The following NFIB variants were observed in gnomAD, a reference collection of about 807,000 sequenced individuals.
NFIB encodes nuclear factor I B, also known as nuclear factor 1 B-type.
A neutral mutation model predicts 61.5 loss-of-function variants in NFIB; 11 were observed. The ratio of observed to expected loss-of-function variants is 0.18; its 90% CI spans 0.11 to 0.30. The LOEUF (loss-of-function observed/expected upper bound fraction) is 0.30. Ranked by LOEUF, NFIB falls within the 10% of genes least tolerant of loss-of-function variation. The probability of loss-of-function intolerance (pLI) is 1.00; values close to 1 mark genes in which losing one functional copy is unlikely to be tolerated. For missense variants in NFIB, 471 were observed against 608.9 expected (o/e 0.77, Z 2.38); for synonymous variants, 260 against 216.5 (o/e 1.20, Z -1.76).
the NFIB span, among the ~76,000 whole-genome samples, chr9:14,449,782 A>T: frequency 3.3e-5 from 5 of 151,946 alleles, no homozygotes; most frequent in African/African-American, 1.2e-4. Context: ...ATACAAAAAA[A>T]AATTAGCCAG....
At chr9:14,413,269 C>A in the NFIB span, among the ~76,000 whole-genome samples, 1 of 152,278 alleles carries the variant, frequency 6.6e-6, no homozygotes, top group Non-Finnish European at 1.5e-5. Flanking sequence ...TTTTGGGGAA[C>A]AGTATCAGGC....
At chr9:14,142,444 T>G (rs565659439) in intron 6 of NFIB, among the ~76,000 whole-genome samples, 1 of 152,272 alleles carries the variant, frequency 6.6e-6, no homozygotes, top group Admixed American at 6.5e-5. Flanking sequence ...AAGTAGGTCT[T>G]TATCAGCAGC....
At chr9:14,217,660 CAAAAAA>C (rs34055171) in intron 2 of NFIB, among the ~76,000 whole-genome samples, 6 of 81,510 alleles carry the variant, frequency 7.4e-5, no homozygotes, top group Non-Finnish European at 1.1e-4. Context: ...AACTCCATCT[CAAAAAA>C]AAAAAAAAAA....
intron 1 of NFIB, among the ~76,000 whole-genome samples, chr9:14,341,165 A>C (rs1168845539): frequency 6.6e-6 from 1 of 152,168 alleles, no homozygotes; most frequent in African/African-American, 2.4e-5. Context: ...CTGGCATCAC[A>C]CGTTGTGGTC....
intron 2 of NFIB, among the ~76,000 whole-genome samples, chr9:14,293,596 T>G (rs1216651719): frequency 6.6e-6 from 1 of 152,162 alleles, no homozygotes. Context: ...TGAACATAAG[T>G]GCGGAGTCTA....
intron 3 of NFIB, among the ~76,000 whole-genome samples, chr9:14,161,667 T>A (rs1378119539): frequency 1.3e-5 from 2 of 152,094 alleles, no homozygotes; most frequent in Non-Finnish European, 2.9e-5. Flanking sequence ...TATTAACCAT[T>A]CCATTGTTTG....
chr9:14,459,317 T>G, the NFIB span, among the ~76,000 whole-genome samples: 8 of 152,338 alleles, frequency 5.3e-5, no homozygotes, highest in African/African-American at 9.6e-5. Context: ...TAGCCATATG[T>G]AGAAAGCTGA....
intron 10 of NFIB, among the ~76,000 whole-genome samples, chr9:14,110,470 C>T (rs1436938145): frequency 6.6e-6 from 1 of 152,032 alleles, no homozygotes; most frequent in East Asian, 1.9e-4. Flanking sequence ...TTGAATTTCT[C>T]CTAGCTAATA....
At chr9:14,514,443 G>A in the NFIB span, among the ~76,000 whole-genome samples, 1 of 151,934 alleles carries the variant, frequency 6.6e-6, no homozygotes, top group East Asian at 1.9e-4. Context: ...AATTACCTAG[G>A]TACTAAAAAG....
intron 1 of NFIB, among the ~76,000 whole-genome samples, chr9:14,344,106 GAA>G (rs1179485994): frequency 2.3e-5 from 3 of 131,228 alleles, no homozygotes; most frequent in African/African-American, 7.7e-5. Flanking sequence ...GAGAGAGAGA[GAA>G]AGAGAGAGAG....
intron 2 of NFIB, among the ~76,000 whole-genome samples, chr9:14,275,122 G>A (rs1414282845): frequency 6.6e-6 from 1 of 152,112 alleles, no homozygotes; most frequent in African/African-American, 2.4e-5. Flanking sequence ...GTATTCAACG[G>A]GCTTCAGTTG....
chr9:14,455,817 TAAAAAGAGGAAC>T, the NFIB span, among the ~76,000 whole-genome samples: 1 of 152,086 alleles, frequency 6.6e-6, no homozygotes, highest in African/African-American at 2.4e-5. Context: ...AAAAATTTTT[TAAAAAGAGGAAC>T]ATTCTAAAAA....
At chr9:14,527,862 A>C in the NFIB span, among the ~76,000 whole-genome samples, 1 of 152,180 alleles carries the variant, frequency 6.6e-6, no homozygotes, top group Non-Finnish European at 1.5e-5. Flanking sequence ...AATTAAATAA[A>C]TATTGAATTT....
chr9:14,443,347 A>T, the NFIB span, among the ~76,000 whole-genome samples: 51,642 of 151,904 alleles, frequency 0.34, 9,921 homozygotes, highest in Admixed American at 0.48. Context: ...CTCAAAAAAC[A>T]TGATGCCATA....
intron 2 of NFIB, among the ~76,000 whole-genome samples, chr9:14,269,098 T>C (rs1342155866): frequency 6.6e-6 from 1 of 152,142 alleles, no homozygotes; most frequent in African/African-American, 2.4e-5. Flanking sequence ...TTACTAACAG[T>C]GGCTCATGTT....
Position 14,135,672 on chromosome 9 carries a change from T to TTA in NFIB, c.926-9908_926-9907dup, listed in dbSNP as rs376417220. Reference sequence around the variant, plus strand: ...GCTGCCATGTTAAGAAAGTATCTCCTTATATATATATATTTACATTTATCA... The same window carrying TTA: ...GCTGCCATGTTAAGAAAGTATCTCCTTATATATATATATATTTACATTTATCA... On this transcript the variant is annotated intron_variant, in intron 6 of 10. Coordinates refer to ENST00000380953, the MANE Select transcript of NFIB (RefSeq NM_001190737.2). Among the ~76,000 whole-genome samples the TTA allele has an allele frequency of 2.2e-4, 33 of 151,864 alleles. No individual in the cohort carries two copies. The East Asian group carries it at 3.3e-3, about 15-fold the overall frequency.
At chr9:14,305,900 T>C in intron 2 of NFIB, 10 of 1,054,774 alleles carry the variant, frequency 9.5e-6, no homozygotes, top group African/African-American at 1.6e-5. Context: ...CTGTGACAGC[T>C]CAAACTTCAG....
intron 2 of NFIB, among the ~76,000 whole-genome samples, chr9:14,193,759 C>A: frequency 6.6e-6 from 1 of 152,080 alleles, no homozygotes; most frequent in East Asian, 1.9e-4. Flanking sequence ...CAAACAGTAC[C>A]AATATACTTA....
At chr9:14,134,679 C>G (rs1489287919) in intron 6 of NFIB, among the ~76,000 whole-genome samples, 3 of 151,884 alleles carry the variant, frequency 2.0e-5, no homozygotes, top group Non-Finnish European at 2.9e-5. Context: ...ATCAAGTCAC[C>G]TGAGGTCAGG....
Sources: gnomAD v4.1 joint callset for allele counts (sites outside exome capture counted in the v4.1 genomes callset) on GRCh38, gnomAD v4.1.1 for gene constraint, MANE v1.5 for transcripts, NCBI Gene and HGNC (gene_info 2026-07-23, HGNC 2026-07-21) for gene names.